The following UBR2 variants were observed in gnomAD, a reference collection of about 807,000 sequenced individuals.
UBR2 encodes the protein E3 ubiquitin-protein ligase UBR2.
Under a neutral mutation model 247.9 loss-of-function variants are expected in UBR2, and 92 were observed. That is an observed-to-expected ratio of 0.37 (90% CI 0.31 to 0.44). The LOEUF (loss-of-function observed/expected upper bound fraction) is 0.44, where lower values mean the gene tolerates loss of function less well. Ranked by LOEUF, UBR2 falls within the 20% of genes least tolerant of loss-of-function variation. UBR2 has a pLI of 1.00. For synonymous variants in UBR2, 672 were observed against 693.5 expected (o/e 0.97, Z 0.49); for missense variants, 1,613 against 2,112.6 (o/e 0.76, Z 4.64).
intron 14 of UBR2, 127 bp from the exon 15 acceptor site, chr6:42,636,884 G>C: frequency 1.1e-6 from 1 of 944,572 alleles, no homozygotes. Context: ...AAATTTGGGA[G>C]GGAGGATTGA....
In UBR2 at chr6:42,630,942, G is replaced by C. The variant is rs547434011; in HGVS notation, c.1282-1610G>C. Among the ~76,000 whole-genome samples the C allele has an allele frequency of 2.0e-5, 3 of 152,100 alleles. No homozygotes were observed. In the South Asian group the frequency reaches 6.2e-4, roughly 32 times the overall value. On this transcript the variant is annotated intron_variant, in intron 11 of 46. Coordinates refer to ENST00000372901, the MANE Select transcript of UBR2 (RefSeq NM_001363705.2). ...CCACCTCAGCCTCCCAGGTAGCTGG[G>C]AATACAGGTACATGCCACCACACCC...
chr6:42,589,806 G>T (rs1411194299), intron 2 of UBR2, among the ~76,000 whole-genome samples: 1 of 152,132 alleles, frequency 6.6e-6, no homozygotes, highest in Non-Finnish European at 1.5e-5. Flanking sequence ...GATCCAATGT[G>T]TTCTGAACCC....
intron 11 of UBR2, among the ~76,000 whole-genome samples, chr6:42,624,303 ATT>A (rs34628959): frequency 0.024 from 3,381 of 138,054 alleles, 118 homozygotes; most frequent in African/African-American, 0.084. Context: ...CACTTGGCTA[ATT>A]TTTTTTTTTT....
At chr6:42,639,715 C>T (rs767190330) in intron 15 of UBR2, among the ~76,000 whole-genome samples, 107 of 152,180 alleles carry the variant, frequency 7.0e-4, no homozygotes, top group Non-Finnish European at 4.7e-4. Flanking sequence ...GAACAAATTC[C>T]ATGGCCCAGT....
Position 42,605,818 on chromosome 6 carries a change from C to A in UBR2, c.760C>A (p.Gln254Lys), listed in dbSNP as rs1229621183. 2 of 1,611,808 alleles carry A rather than the reference C, an allele frequency of 1.2e-6. No individual in the cohort carries two copies. The highest frequency in any genetic ancestry group is 2.7e-5 in the African/African-American group (2 of 74,780). The change falls in exon 6 of 47, where the codon CAA (glutamine) becomes AAA (lysine). Residue 254 changes from glutamine (Q) to lysine (K), a missense_variant. Around this residue, in one of 3 missense-constraint regions of UBR2, gnomAD observed 1,524 missense variants for 1,967.3 expected, o/e 0.77. Transcript: ENST00000372901. ...YTLQKAVNCT[Q>K]KEAIGFATTV... ...TCTTCAGAAAGCTGTTAACTGTACACAAAAAGAAGCTATTGGTTTTGCAAC... is the reference window on the plus strand; with the variant it reads ...TCTTCAGAAAGCTGTTAACTGTACAAAAAAAGAAGCTATTGGTTTTGCAAC...
chr6:42,665,462 C>T lies in UBR2; in HGVS notation c.3752C>T (p.Ser1251Phe). Residue 1251 changes from serine (S) to phenylalanine (F), a missense_variant, in exon 33 of 47, where the codon TCT (serine) becomes TTT (phenylalanine). Ser to Phe is a radical substitution (Grantham distance 155). Coordinates refer to ENST00000372901, the MANE Select transcript of UBR2 (RefSeq NM_001363705.2). ...CTGACTCAGTGGATTAGAACAATAT[C>T]TCAGCAAATAAAAGCATTACAGTTT... ...PNLTQWIRTI[S>F]QQIKALQFLR... 1 of 1,613,172 alleles carries T rather than the reference C, an allele frequency of 6.2e-7. No homozygotes were observed. The highest frequency in any genetic ancestry group is 8.5e-7 in the Non-Finnish European group (1 of 1,179,564).
At position 42,676,895 on chromosome 6, in the gene UBR2, A is replaced by G. The variant is rs1395016806; in HGVS notation, c.4478+22A>G. Reference sequence around the variant, plus strand: ...GAAGGTGAGTTAGTTATCTTTACATAACGCATTTCCCTAAATATTGCTAGA... The same window carrying G: ...GAAGGTGAGTTAGTTATCTTTACATGACGCATTTCCCTAAATATTGCTAGA... On this transcript the variant is annotated intron_variant, in intron 40 of 46. Coordinates refer to ENST00000372901, the MANE Select transcript of UBR2 (RefSeq NM_001363705.2). The G allele has an allele frequency of 2.6e-6, 4 of 1,564,224 alleles. No individual in the cohort carries two copies. In the East Asian group the frequency reaches 9.0e-5, roughly 35 times the overall value.
At chr6:42,686,183 T>A (rs1350736355) in intron 44 of UBR2, among the ~76,000 whole-genome samples, 9 of 151,790 alleles carry the variant, frequency 5.9e-5, no homozygotes, top group Non-Finnish European at 1.3e-4. Flanking sequence ...CAGATAAAGA[T>A]GTGAACAAAG....
At chr6:42,571,066 C>T (rs985676523) in intron 1 of UBR2, among the ~76,000 whole-genome samples, 3 of 150,978 alleles carry the variant, frequency 2.0e-5, no homozygotes, top group Non-Finnish European at 4.4e-5. Flanking sequence ...AATTTGCTCT[C>T]GTTACAGTTA....
intron 17 of UBR2, 40 bp from the exon 18 acceptor site, chr6:42,642,376 A>G (rs1397282851): frequency 4.2e-6 from 6 of 1,433,428 alleles, no homozygotes; most frequent in African/African-American, 1.4e-5. Context: ...GCCTGAGCCA[A>G]TAAAAACTAT....
intron 4 of UBR2, among the ~76,000 whole-genome samples, chr6:42,602,813 C>A (rs963299115): frequency 2.0e-5 from 3 of 150,520 alleles, no homozygotes; most frequent in Non-Finnish European, 4.4e-5. Context: ...GATTCCCATC[C>A]CATGATGTTG....
At chr6:42,576,024 T>G (rs1791482537) in intron 2 of UBR2, among the ~76,000 whole-genome samples, 1 of 152,098 alleles carries the variant, frequency 6.6e-6, no homozygotes, top group Non-Finnish European at 1.5e-5. Context: ...TTTCCTTTCC[T>G]TTTCCCTTCT....
chr6:42,676,000 T>C, intron 38 of UBR2, 56 bp from the exon 39 acceptor site: 1 of 1,509,670 alleles, frequency 6.6e-7, no homozygotes, highest in Non-Finnish European at 8.8e-7. Flanking sequence ...AGATGGAAAT[T>C]TGCTTAGCTG....
chr6:42,690,429 G>A, intron 46 of UBR2, among the ~76,000 whole-genome samples: 1 of 152,188 alleles, frequency 6.6e-6, no homozygotes, highest in Non-Finnish European at 1.5e-5. Flanking sequence ...GAGGATGGCT[G>A]TGCTCAGAAA....
At chr6:42,597,258 C>T (rs948154984) in intron 4 of UBR2, among the ~76,000 whole-genome samples, 5 of 152,010 alleles carry the variant, frequency 3.3e-5, no homozygotes, top group African/African-American at 1.2e-4. Flanking sequence ...TGGAACTAGA[C>T]AAAGAATAAA....
At chr6:42,670,753 A>G in intron 36 of UBR2, 38 bp downstream of exon 36, 1 of 1,548,718 alleles carries the variant, frequency 6.5e-7, no homozygotes, top group Non-Finnish European at 8.8e-7. Context: ...ATAGTGGGGC[A>G]TGGAAATTAG....
chr6:42,670,836 C>A, intron 36 of UBR2, 121 bp downstream of exon 36: 2 of 676,534 alleles, frequency 3.0e-6, no homozygotes, highest in South Asian at 5.0e-5. Flanking sequence ...TAGTAAAAAC[C>A]CATTTTCTGT....
chr6:42,564,488 A>C (rs1790661281), intron 1 of UBR2, 91 bp downstream of exon 1: 2 of 1,431,430 alleles, frequency 1.4e-6, no homozygotes, highest in African/African-American at 1.4e-5. Context: ...GAGCAGCCCG[A>C]CCCAGACTTG....
intron 11 of UBR2, among the ~76,000 whole-genome samples, chr6:42,630,537 C>T (rs1795651904): frequency 6.6e-6 from 1 of 151,712 alleles, no homozygotes; most frequent in African/African-American, 2.4e-5. Context: ...CAAAATTGTG[C>T]AGTATGTGAA....
Sources: gnomAD v4.1 joint callset for allele counts (sites outside exome capture counted in the v4.1 genomes callset) on GRCh38, gnomAD v4.1.1 for gene constraint, gnomAD v4.1.1 regional missense constraint, MANE v1.5 for transcripts, NCBI Gene and HGNC (gene_info 2026-07-23, HGNC 2026-07-21) for gene names.